NLRC5: variants seen among roughly 807,000 people sequenced by gnomAD.
NLRC5 encodes NLR family CARD domain containing 5, also known as protein NLRC5.
A neutral mutation model predicts 206.9 loss-of-function variants in NLRC5; 114 were observed. The ratio of observed to expected loss-of-function variants is 0.55; its 90% confidence interval spans 0.47 to 0.64. NLRC5 has a LOEUF of 0.64. NLRC5 is among the 30% of genes least tolerant of loss of function. NLRC5 has a pLI of 0.00. For missense variants in NLRC5, 2,008 were observed against 2,305.5 expected (o/e 0.87, Z 2.64); for synonymous variants, 952 against 962.8 (o/e 0.99, Z 0.21).
intron 13 of NLRC5, 160 bp downstream of exon 13, chr16:57,034,411 T>C (rs2062260148): frequency 3.2e-6 from 2 of 623,432 alleles, no homozygotes; most frequent in South Asian, 1.9e-5. Context: ...TATTCAGCAC[T>C]TGTCCCGGGT....
At chr16:57,032,955 G>GCC (rs2062052156) in intron 11 of NLRC5, among the ~76,000 whole-genome samples, 1 of 151,850 alleles carries the variant, frequency 6.6e-6, no homozygotes, top group South Asian at 2.1e-4. Flanking sequence ...CTGGGATAGA[G>GCC]CCACTGCACT....
intron 1 of NLRC5, chr16:56,990,885 A>G (rs1455728269): frequency 2.0e-5 from 3 of 152,148 alleles, no homozygotes; most frequent in African/African-American, 7.2e-5. Flanking sequence ...TTACTGAACC[A>G]TAGCCCAGAA....
intron 32 of NLRC5, chr16:57,061,995 C>T (rs770524160): frequency 3.6e-5 from 52 of 1,459,544 alleles, no homozygotes; most frequent in East Asian, 2.4e-4. Context: ...TAAACTGAAA[C>T]GAAGTTCTTG....
At chr16:57,077,594 A>G in intron 41 of NLRC5, 125 bp from the exon 42 acceptor site, 1 of 1,009,206 alleles carries the variant, frequency 9.9e-7, no homozygotes, top group Non-Finnish European at 1.5e-6. Context: ...TTGTCTGGGT[A>G]GGTGTGTGGT....
chr16:57,038,146 A>G (rs1203036762), intron 15 of NLRC5, among the ~76,000 whole-genome samples: 1 of 152,226 alleles, frequency 6.6e-6, no homozygotes, highest in Non-Finnish European at 1.5e-5. Context: ...TAACCGAGGG[A>G]TATTAGTTAG....
At position 57,025,261 on chromosome 16, in the gene NLRC5, A is replaced by C. The variant is rs1301130024; in HGVS notation, c.425-107A>C. The C allele has an allele frequency of 2.7e-6, 4 of 1,473,624 alleles. No individual in the cohort carries two copies. The African/African-American group carries it at 5.6e-5, about 21-fold the overall frequency. The allele number at this position is 1,473,624 out of a possible 1,614,324, so 91.3% of individuals were successfully genotyped here. On this transcript the variant is annotated intron_variant, in intron 5 of 48. Transcript: ENST00000688547. ...CACCCCCACCCTCACCCCATCATACATACACATCTGGGGCTACAGGCTCCC... is the reference window on the plus strand; with the variant it reads ...CACCCCCACCCTCACCCCATCATACCTACACATCTGGGGCTACAGGCTCCC...
At position 57,031,417 on chromosome 16, in the gene NLRC5, A is replaced by G. The variant is rs2061872980; in HGVS notation, c.2431A>G (p.Ile811Val). The G allele has an allele frequency of 6.2e-7, 1 of 1,613,686 alleles. No individual in the cohort carries two copies. The highest frequency in any genetic ancestry group is 1.3e-5 in the African/African-American group (1 of 74,778). The change falls in exon 11 of 49, where the codon ATC becomes GTC. Residue 811 changes from isoleucine to valine, a missense_variant. Coordinates refer to ENST00000688547, the MANE Select transcript of NLRC5 (RefSeq NM_001384950.1). ...CTGATCCTGCAGGGAGGCGGACCTC[A>G]TCTTCCTTCTTTCCCCGCCCACAGA... ...RMLQAREADLIFLLSPPTETT... is the reference protein window; with the variant it reads ...RMLQAREADLVFLLSPPTETT...
intron 1 of NLRC5, among the ~76,000 whole-genome samples, chr16:57,009,979 A>G (rs1193308193): frequency 6.6e-6 from 1 of 152,206 alleles, no homozygotes; most frequent in African/African-American, 2.4e-5. Context: ...CCAGTGAGAA[A>G]TGATGGTGTC....
intron 20 of NLRC5, among the ~76,000 whole-genome samples, chr16:57,044,435 C>T (rs2063687116): frequency 1.3e-5 from 2 of 152,162 alleles, no homozygotes; most frequent in Admixed American, 1.3e-4. Flanking sequence ...CCACCCCAGG[C>T]ACTCAGGGCA....
chr16:57,055,629 C>T (rs895739258), intron 27 of NLRC5, 110 bp downstream of exon 27: 8 of 836,406 alleles, frequency 9.6e-6, no homozygotes, highest in Admixed American at 2.1e-5. Flanking sequence ...TGCCTGCCTA[C>T]ACCTCTCAGG....
At position 57,026,626 on chromosome 16, in the gene NLRC5, C is replaced by A. The variant is rs375296026; in HGVS notation, c.1683C>A (p.Leu561=). The change falls in exon 6 of 49, where the codon CTC becomes CTA. Residue 561 remains leucine (L), a synonymous_variant. Coordinates refer to ENST00000688547, the MANE Select transcript of NLRC5 (RefSeq NM_001384950.1). ...CTAGACTGGGCCTCTCAGACCACCT[C>A]CCCACCTTCCTGGCGGGCCTGGCAT... ...TKARLGLSDH[L]PTFLAGLASC... 1.5e-5 allele frequency: 25 copies of A among 1,614,226 alleles called. No individual in the cohort carries two copies. Among genetic ancestry groups the A allele is most frequent in the Middle Eastern group, 1.6e-4 (1 of 6,062 alleles).
chr16:57,059,731 C>G (rs2066172858), intron 30 of NLRC5, among the ~76,000 whole-genome samples, 199 bp downstream of exon 30: 1 of 152,196 alleles, frequency 6.6e-6, no homozygotes, highest in Non-Finnish European at 1.5e-5. Context: ...TGGCATTGAA[C>G]TTGTGCCTCT....
intron 36 of NLRC5, among the ~76,000 whole-genome samples, chr16:57,069,373 A>C (rs1297369870): frequency 1.3e-5 from 2 of 152,128 alleles, no homozygotes; most frequent in African/African-American, 4.8e-5. Context: ...GAGGAGGAAA[A>C]ATCGCTTGAG....
intron 47 of NLRC5, 23 bp downstream of exon 47, chr16:57,081,204 T>A (rs2069099960): frequency 1.3e-6 from 2 of 1,535,864 alleles, no homozygotes; most frequent in Non-Finnish European, 1.7e-6. Context: ...GGGGGAGGAA[T>A]GGGACGGGCT....
At position 57,023,798 on chromosome 16, in the gene NLRC5, A is replaced by T; in HGVS notation, c.369A>T (p.Pro123=). The stretch of plus-strand genomic sequence containing the variant: ...TTGCTTTTTCAGGCCTGAAGCGCCC[A>T]CATCAGAGCTGTGGGTCCTCACCCC... ...ESQLHHGLKR[P]HQSCGSSPRR... The change falls in exon 5 of 49, where the codon CCA becomes CCT. Residue 123 remains proline, a synonymous_variant. Transcript: ENST00000688547. 2 of 1,611,944 alleles carry T rather than the reference A, an allele frequency of 1.2e-6. No homozygotes were observed. Among genetic ancestry groups the T allele is most frequent in the Non-Finnish European group, 1.7e-6 (2 of 1,178,908 alleles).
chr16:57,067,008 AT>A (rs1162439693), intron 34 of NLRC5, among the ~76,000 whole-genome samples: 2 of 152,176 alleles, frequency 1.3e-5, no homozygotes, highest in Non-Finnish European at 2.9e-5. Flanking sequence ...AAACACTTCC[AT>A]TATCCACTCT....
intron 1 of NLRC5, chr16:57,013,205 G>T (rs776470303): frequency 2.9e-5 from 13 of 450,130 alleles, no homozygotes; most frequent in Non-Finnish European, 4.7e-5. Context: ...TTCATTAAAG[G>T]TTGCGAACAG....
chr16:57,078,361 G>C (rs2068674793), intron 43 of NLRC5, among the ~76,000 whole-genome samples: 1 of 152,134 alleles, frequency 6.6e-6, no homozygotes, highest in African/African-American at 2.4e-5. Context: ...TCCTGGCAGA[G>C]GGCTTCGCAG....
chr16:57,020,712 C>T lies in NLRC5; in HGVS notation c.-1C>T. 1 of 1,608,964 alleles carries T rather than the reference C, an allele frequency of 6.2e-7. No homozygotes were observed. The highest frequency in any genetic ancestry group is 2.2e-5 in the East Asian group (1 of 44,680). ...CCCTGTCCCTCCAGGGCTGGCTCCT[C>T]ATGGACCCCGTTGGCCTCCAGCTCG... On this transcript the variant is annotated 5_prime_UTR_variant, in exon 3 of 49. Coordinates refer to ENST00000688547, the MANE Select transcript of NLRC5 (RefSeq NM_001384950.1).
Sources: allele counts gnomAD v4.1 joint callset (sites outside exome capture counted in the v4.1 genomes callset), GRCh38; gene constraint gnomAD v4.1.1; transcripts MANE v1.5; gene names NCBI Gene and HGNC (gene_info 2026-07-23, HGNC 2026-07-21).